Variants in STK32B observed in about 807,000 individuals in gnomAD.
The protein encoded by STK32B is serine/threonine-protein kinase 32B.
In STK32B, 43 loss-of-function variants were observed where a neutral mutation model predicts 52.6. The ratio of observed to expected loss-of-function variants is 0.82; its 90% CI spans 0.64 to 1.05. STK32B has a LOEUF of 1.05. Ranked by LOEUF, STK32B falls within the 50% of genes least tolerant of loss-of-function variation. The pLI, the probability that STK32B is intolerant of heterozygous loss-of-function variation, is 0.00. For missense variants in STK32B, 621 were observed against 534.6 expected (o/e 1.16, Z -1.59); for synonymous variants, 238 against 204.3 (o/e 1.17, Z -1.41).
chr4:5,050,565 A>AAG (rs1215971442), upstream of STK32B, among the ~76,000 whole-genome samples: 1 of 152,114 alleles, frequency 6.6e-6, no homozygotes, highest in Admixed American at 6.5e-5. Flanking sequence ...GAGAGTCACA[A>AAG]AGAACCCCTG....
chr4:5,092,393 G>C (rs895667045), intron 1 of STK32B, among the ~76,000 whole-genome samples: 1 of 152,118 alleles, frequency 6.6e-6, no homozygotes, highest in East Asian at 1.9e-4. Context: ...CTAGCCCAGC[G>C]TTGTGGTGGG....
chr4:5,252,430 C>A (rs996580493), intron 3 of STK32B, among the ~76,000 whole-genome samples: 2 of 152,180 alleles, frequency 1.3e-5, no homozygotes, highest in Non-Finnish European at 2.9e-5. Context: ...AGAAGCTGGA[C>A]CATCAGTGGC....
rs550153379 is a variant in STK32B at position 5,453,884 on chromosome 4, G to A, written c.667-2923G>A. Among the ~76,000 whole-genome samples, 6 of 151,674 alleles carry A rather than the reference G, an allele frequency of 4.0e-5. No individual in the cohort carries two copies. The South Asian group carries it at 1.1e-3, about 27-fold the overall frequency. On this transcript the variant is annotated intron_variant, in intron 7 of 11. Coordinates refer to ENST00000282908, the MANE Select transcript of STK32B (RefSeq NM_018401.3). This position sits in a 1 kb window ranked among gnomAD's most constrained non-coding sequence, Gnocchi z 4.0. ...CATACCATTGCACTCCAGTCTAGGC[G>A]ACAAGAGTGAAACTCCATCTAAAAA...
chr4:5,483,680 A>G (rs547460447), intron 11 of STK32B, among the ~76,000 whole-genome samples: 1 of 151,966 alleles, frequency 6.6e-6, no homozygotes, highest in African/African-American at 2.4e-5. Context: ...TTGTGATGTT[A>G]GGGTATCAAT....
chr4:5,356,729 G>A (rs569159986), intron 4 of STK32B, among the ~76,000 whole-genome samples: 1 of 152,286 alleles, frequency 6.6e-6, no homozygotes, highest in South Asian at 2.1e-4. Flanking sequence ...GGGCGCGGTG[G>A]CTCACGCCTG....
intron 11 of STK32B, among the ~76,000 whole-genome samples, chr4:5,476,710 G>A (rs1274146378): frequency 6.6e-6 from 1 of 151,770 alleles, no homozygotes; most frequent in Non-Finnish European, 1.5e-5. Flanking sequence ...TTGGAAACAG[G>A]GTTTTTGCAG....
At chr4:5,033,236 C>G in the STK32B span, among the ~76,000 whole-genome samples, 1 of 152,180 alleles carries the variant, frequency 6.6e-6, no homozygotes, top group Admixed American at 6.5e-5. Flanking sequence ...TTTCCACTTA[C>G]AACACGGTAG....
intron 3 of STK32B, among the ~76,000 whole-genome samples, chr4:5,243,419 C>T (rs138704714): frequency 0.013 from 2,035 of 152,242 alleles, 29 homozygotes; most frequent in African/African-American, 0.022. Context: ...GATTTTTGCA[C>T]GTTGATTCTG....
intron 3 of STK32B, among the ~76,000 whole-genome samples, chr4:5,273,789 C>T (rs1158318796): frequency 1.5e-5 from 2 of 134,900 alleles, no homozygotes; most frequent in African/African-American, 5.8e-5. Flanking sequence ...GGGAATTGAA[C>T]AGTGAGATCA....
intron 4 of STK32B, 97 bp downstream of exon 4, chr4:5,331,490 C>T (rs1366734843): frequency 2.2e-6 from 3 of 1,372,134 alleles, no homozygotes; most frequent in Non-Finnish European, 2.0e-6. Context: ...TTGTCCTTGA[C>T]ATGGTTTAAA....
intron 3 of STK32B, among the ~76,000 whole-genome samples, chr4:5,217,562 A>G (rs1431228070): frequency 2.6e-5 from 4 of 152,270 alleles, no homozygotes; most frequent in Non-Finnish European, 1.5e-5. Context: ...GGTTTCAATT[A>G]CAAGATTTGG....
chr4:5,442,280 T>G (rs1326225886), intron 6 of STK32B, among the ~76,000 whole-genome samples: 6 of 151,486 alleles, frequency 4.0e-5, no homozygotes, highest in South Asian at 2.1e-4. Flanking sequence ...TCATGAATCT[T>G]GGTGCTCCTG....
At chr4:5,335,135 A>T (rs1468094847) in intron 4 of STK32B, among the ~76,000 whole-genome samples, 2 of 152,108 alleles carry the variant, frequency 1.3e-5, no homozygotes, top group African/African-American at 2.4e-5. Flanking sequence ...TAAGCTATTG[A>T]TTATTGCCAC....
chr4:5,095,720 G>T (rs530589641), intron 1 of STK32B, among the ~76,000 whole-genome samples: 20 of 152,306 alleles, frequency 1.3e-4, no homozygotes, highest in African/African-American at 4.8e-4. Context: ...ATGTTGGAGA[G>T]TAAAAGAGAC....
intron 3 of STK32B, among the ~76,000 whole-genome samples, chr4:5,173,093 G>T (rs1397503727): frequency 2.0e-5 from 3 of 152,132 alleles, no homozygotes; most frequent in African/African-American, 4.8e-5. Flanking sequence ...TAGTTTATTT[G>T]CGTAGAGGTG....
At chr4:5,485,582 C>G (rs1420811489) in intron 11 of STK32B, among the ~76,000 whole-genome samples, 4 of 152,220 alleles carry the variant, frequency 2.6e-5, no homozygotes, top group African/African-American at 7.2e-5. Context: ...CTTCTTCTCT[C>G]AACTTGTCAA....
chr4:5,036,591 A>G, the STK32B span, among the ~76,000 whole-genome samples: 14 of 152,026 alleles, frequency 9.2e-5, no homozygotes, highest in Non-Finnish European at 1.0e-4. Flanking sequence ...ATATTGAGGC[A>G]AAAGCGTCCA....
chr4:5,353,145 G>A (rs144805392), intron 4 of STK32B, among the ~76,000 whole-genome samples: 3 of 152,100 alleles, frequency 2.0e-5, no homozygotes, highest in Non-Finnish European at 4.4e-5. Context: ...TGCCAAGAAC[G>A]TACCTGGGGA....
chr4:5,038,877 TAACTTTTTTTACTTTATG>T, the STK32B span, among the ~76,000 whole-genome samples: 21 of 152,114 alleles, frequency 1.4e-4, no homozygotes, highest in Non-Finnish European at 2.5e-4. Context: ...TAACTTACTA[TAACTTTTTTTACTTTATG>T]AACTTTTTAA....
Sources: gnomAD v4.1 joint callset for allele counts (sites outside exome capture counted in the v4.1 genomes callset) on GRCh38, gnomAD v4.1.1 for gene constraint, Gnocchi (gnomAD v3.1) non-coding constraint, MANE v1.5 for transcripts, NCBI Gene and HGNC (gene_info 2026-07-23, HGNC 2026-07-21) for gene names.